PIP5K1B: variants seen among roughly 807,000 people sequenced by gnomAD.
PIP5K1B encodes the protein phosphatidylinositol-4-phosphate 5-kinase type 1 beta.
A neutral mutation model predicts 67.0 loss-of-function variants in PIP5K1B; 42 were observed. The ratio of observed to expected loss-of-function variants is 0.63; its 90% confidence interval spans 0.49 to 0.81. The LOEUF is 0.81. PIP5K1B is among the 30% of genes least tolerant of loss of function. The pLI, the probability that PIP5K1B is intolerant of heterozygous loss-of-function variation, is 0.00. For synonymous variants in PIP5K1B, 214 were observed against 231.4 expected (o/e 0.92, Z 0.68); for missense variants, 459 against 646.3 (o/e 0.71, Z 3.14).
intron 14 of PIP5K1B, among the ~76,000 whole-genome samples, chr9:68,971,307 C>G (rs977545151): frequency 6.6e-6 from 1 of 152,170 alleles, no homozygotes; most frequent in East Asian, 1.9e-4. Context: ...ATCAATGTCC[C>G]TGCAAAGGAC....
chr9:68,713,906 C>T (rs1827512323), intron 1 of PIP5K1B, among the ~76,000 whole-genome samples: 1 of 152,152 alleles, frequency 6.6e-6, no homozygotes, highest in African/African-American at 2.4e-5. Context: ...TGCAGCATTT[C>T]TTCACTGAAG....
intron 2 of PIP5K1B, among the ~76,000 whole-genome samples, chr9:68,814,132 G>A (rs113366958): frequency 6.6e-6 from 1 of 152,188 alleles, no homozygotes; most frequent in African/African-American, 2.4e-5. Context: ...CCATGACCTA[G>A]GCTAAACTGG....
chr9:68,930,359 C>T (rs1826932299), intron 12 of PIP5K1B, among the ~76,000 whole-genome samples: 1 of 152,116 alleles, frequency 6.6e-6, no homozygotes, highest in Non-Finnish European at 1.5e-5. Context: ...CACTTACCAC[C>T]CCAGAGTCTG....
At position 68,863,330 on chromosome 9, in the gene PIP5K1B, T is replaced by C. The variant is rs559800637; in HGVS notation, c.70-507T>C. 4.6e-5 allele frequency among the ~76,000 whole-genome samples: 7 copies of C among 152,326 alleles called. No homozygotes were observed. In the South Asian group the frequency reaches 1.4e-3, roughly 32 times the overall value. ...CACACTTCACCGTAAAAAAATACATTCTAATTGTCCTAAATTGAGTTATTC... is the reference window on the plus strand; with the variant it reads ...CACACTTCACCGTAAAAAAATACATCCTAATTGTCCTAAATTGAGTTATTC... On this transcript the variant is annotated intron_variant, in intron 4 of 15. Transcript: ENST00000265382.
At chr9:68,878,280 A>G (rs1304810505) in intron 6 of PIP5K1B, among the ~76,000 whole-genome samples, 1 of 152,174 alleles carries the variant, frequency 6.6e-6, no homozygotes, top group Admixed American at 6.5e-5. Context: ...CTGTTGATCC[A>G]GTCAATATGA....
intron 14 of PIP5K1B, among the ~76,000 whole-genome samples, chr9:68,977,740 T>C (rs1807098764): frequency 6.7e-6 from 1 of 150,316 alleles, no homozygotes; most frequent in Non-Finnish European, 1.5e-5. Context: ...CTGGAACCTC[T>C]GCCTCCCAGG....
intron 1 of PIP5K1B, among the ~76,000 whole-genome samples, chr9:68,721,145 G>T (rs1363206994): frequency 6.6e-6 from 1 of 152,192 alleles, no homozygotes; most frequent in African/African-American, 2.4e-5. Flanking sequence ...GTGCTAAGGA[G>T]TTTGAACATT....
At chr9:68,751,064 G>C (rs189791525) in intron 2 of PIP5K1B, among the ~76,000 whole-genome samples, 20 of 152,326 alleles carry the variant, frequency 1.3e-4, no homozygotes, top group African/African-American at 4.1e-4. Context: ...AAACGGTTCA[G>C]GGATCATTAT....
chr9:68,972,631 C>T (rs904550478), intron 14 of PIP5K1B, among the ~76,000 whole-genome samples: 3 of 152,026 alleles, frequency 2.0e-5, no homozygotes, highest in African/African-American at 7.2e-5. Flanking sequence ...ACAGAGCAAG[C>T]AAGACTTTGT....
Position 68,766,680 on chromosome 9 carries a change from G to T in PIP5K1B, c.-86+24023G>T, listed in dbSNP as rs1011701139. Reference sequence around the variant, plus strand: ...GTAATTGTTTCTGGGTGATGGGATTGTGGGTAATTTTCAACTATTTTTTTC... The same window carrying T: ...GTAATTGTTTCTGGGTGATGGGATTTTGGGTAATTTTCAACTATTTTTTTC... On this transcript the variant is annotated intron_variant, in intron 2 of 15. Coordinates refer to ENST00000265382, the MANE Select transcript of PIP5K1B (RefSeq NM_003558.4). 2.6e-5 allele frequency among the ~76,000 whole-genome samples: 4 copies of T among 152,264 alleles called. No individual in the cohort carries two copies. In the South Asian group the frequency reaches 8.3e-4, roughly 32 times the overall value.
At chr9:68,982,759 CA>C (rs5898053) in intron 14 of PIP5K1B, among the ~76,000 whole-genome samples, 144,740 of 148,124 alleles carry the variant, frequency 0.98, 70,759 homozygotes, top group East Asian at 1. Context: ...GACTCCATCT[CA>C]AAAAAAAAAA....
At chr9:68,800,477 C>A (rs1230056617) in intron 2 of PIP5K1B, among the ~76,000 whole-genome samples, 1 of 152,270 alleles carries the variant, frequency 6.6e-6, no homozygotes, top group Admixed American at 6.5e-5. Flanking sequence ...GTTCAACAGA[C>A]CTCACCATTT....
At chr9:68,788,153 C>G (rs1449068924) in intron 2 of PIP5K1B, among the ~76,000 whole-genome samples, 1 of 152,326 alleles carries the variant, frequency 6.6e-6, no homozygotes, top group East Asian at 1.9e-4. Context: ...GTGACCCTTT[C>G]CTCCCTTGAT....
rs76603038 is a variant in PIP5K1B, at chr9:68,902,987, A to G, written c.771+8349A>G. ...TGCCTGTGAGACTATGCAACTGACA[A>G]GATTCCTAAGAAAAGGCCTGCGATA... On this transcript the variant is annotated intron_variant, in intron 8 of 15. Transcript: ENST00000265382. Among the ~76,000 whole-genome samples the G allele has an allele frequency of 5.5e-3, 845 of 152,346 alleles. 4 individuals carry two copies. The highest frequency in any genetic ancestry group is 0.01 in the Middle Eastern group (3 of 294).
chr9:68,914,982 G>A (rs940897376), intron 8 of PIP5K1B, among the ~76,000 whole-genome samples: 1 of 152,202 alleles, frequency 6.6e-6, no homozygotes, highest in African/African-American at 2.4e-5. Context: ...GCTAGTGTGA[G>A]GGATGAGTCA....
intron 4 of PIP5K1B, among the ~76,000 whole-genome samples, chr9:68,848,683 T>A (rs1306071574): frequency 6.6e-6 from 1 of 152,234 alleles, no homozygotes; most frequent in East Asian, 1.9e-4. Context: ...GTTTCTGCCC[T>A]GTGAGAGCAT....
chr9:68,753,158 C>T (rs1829719649), intron 2 of PIP5K1B, among the ~76,000 whole-genome samples: 2 of 148,452 alleles, frequency 1.3e-5, no homozygotes, highest in Non-Finnish European at 3.0e-5. Context: ...TTTGAAATGC[C>T]GTAATGAATA....
chr9:68,730,932 G>A (rs938031321), intron 1 of PIP5K1B, among the ~76,000 whole-genome samples: 1 of 152,212 alleles, frequency 6.6e-6, no homozygotes, highest in Non-Finnish European at 1.5e-5. Flanking sequence ...CTTTTCATGA[G>A]AAAGGATTAC....
intron 3 of PIP5K1B, among the ~76,000 whole-genome samples, chr9:68,822,214 G>A (rs1833762177): frequency 6.6e-6 from 1 of 152,002 alleles, no homozygotes; most frequent in African/African-American, 2.4e-5. Flanking sequence ...TCAGTTACTC[G>A]AGAGGCTGAG....
Sources: allele counts gnomAD v4.1 joint callset (sites outside exome capture counted in the v4.1 genomes callset), GRCh38; gene constraint gnomAD v4.1.1; transcripts MANE v1.5; gene names NCBI Gene and HGNC (gene_info 2026-07-23, HGNC 2026-07-21).